Variants in WDR37 observed in about 807,000 individuals in gnomAD.
WDR37 encodes the protein WD repeat-containing protein 37.
Under a neutral mutation model 62.9 loss-of-function variants are expected in WDR37, and 19 were observed. The observed-to-expected ratio is 0.30, with a 90% CI of 0.21 to 0.44. WDR37 has a LOEUF of 0.44. Ranked by LOEUF, WDR37 falls within the 20% of genes least tolerant of loss-of-function variation. The probability of loss-of-function intolerance (pLI) is 1.00; values close to 1 mark genes in which losing one functional copy is unlikely to be tolerated. For synonymous variants in WDR37, 250 were observed against 260.9 expected (o/e 0.96, Z 0.40); for missense variants, 474 against 657.6 (o/e 0.72, Z 3.05).
chr10:1,113,669 G>A (rs555934944), intron 11 of WDR37, among the ~76,000 whole-genome samples: 3 of 152,342 alleles, frequency 2.0e-5, no homozygotes, highest in Admixed American at 2.0e-4. Context: ...CACTGCAGGT[G>A]TGGTGGAAAC....
intron 2 of WDR37, 151 bp downstream of exon 2, chr10:1,072,444 A>C: frequency 9.2e-7 from 1 of 1,081,566 alleles, no homozygotes; most frequent in East Asian, 2.5e-5. Context: ...CCTACTGAGT[A>C]GCTGGGATTA....
chr10:1,091,138 G>A (rs1489652345), intron 7 of WDR37, among the ~76,000 whole-genome samples: 11 of 152,190 alleles, frequency 7.2e-5, no homozygotes, highest in South Asian at 6.2e-4. Flanking sequence ...CACAGCTCCC[G>A]TCACCATGTG....
At chr10:1,091,163 C>G (rs2131639302) in intron 7 of WDR37, among the ~76,000 whole-genome samples, 2 of 152,320 alleles carry the variant, frequency 1.3e-5, no homozygotes, top group South Asian at 4.1e-4. Context: ...CCTGCCCTAC[C>G]CCTCCTTCTG....
At chr10:1,096,381 G>A in intron 9 of WDR37, 135 bp downstream of exon 9, 1 of 913,118 alleles carries the variant, frequency 1.1e-6, no homozygotes, top group Non-Finnish European at 1.7e-6. Context: ...CCCCCGGTAT[G>A]GTTGAATTTG....
chr10:1,057,772 A>G (rs558654150), intron 1 of WDR37, among the ~76,000 whole-genome samples: 6 of 152,322 alleles, frequency 3.9e-5, no homozygotes, highest in South Asian at 4.1e-4. Context: ...ACGCTAAAAC[A>G]TTCGTCCCTT....
intron 1 of WDR37, among the ~76,000 whole-genome samples, chr10:1,069,478 A>G (rs1445038815): frequency 6.6e-6 from 1 of 150,454 alleles, no homozygotes; most frequent in Non-Finnish European, 1.5e-5. Context: ...TAAAAAGGAA[A>G]AAACTGTTGA....
intron 11 of WDR37, among the ~76,000 whole-genome samples, chr10:1,120,179 TGAGA>T (rs1315984523): frequency 1.3e-5 from 2 of 152,160 alleles, no homozygotes; most frequent in African/African-American, 4.8e-5. Flanking sequence ...GCGTGGGTGA[TGAGA>T]AAGGCCGGGA....
At chr10:1,074,944 C>T (rs7072276) in intron 2 of WDR37, among the ~76,000 whole-genome samples, 39,774 of 152,212 alleles carry the variant, frequency 0.26, 6,044 homozygotes, top group African/African-American at 0.41. Context: ...GGCTGCTTCC[C>T]GCACGTGCGT....
chr10:1,104,979 C>T lies in WDR37; in HGVS notation c.962-147C>T, dbSNP rs1163521870. 5.1e-6 allele frequency: 5 copies of T among 984,248 alleles called. No individual in the cohort carries two copies. In the East Asian group the frequency reaches 1.1e-4, roughly 21 times the overall value. 61.0% of individuals were successfully genotyped at this position (984,248 alleles called of 1,614,324 possible). A position where few individuals can be genotyped will look rare whatever the true frequency, so the allele number is the denominator to read the frequency against. ...AGCTTCTGAGGGAAAACCTGCCCCA[C>T]TGTGACCCACATGCTGCTGAGTGAT... On this transcript the variant is annotated intron_variant, in intron 10 of 13. Transcript: ENST00000263150.
chr10:1,107,477 G>A (rs1835061371), intron 11 of WDR37, among the ~76,000 whole-genome samples: 2 of 152,260 alleles, frequency 1.3e-5, no homozygotes, highest in South Asian at 4.1e-4. Flanking sequence ...AACCAACAGA[G>A]TAGTACAGTG....
intron 11 of WDR37, 44 bp from the exon 12 acceptor site, chr10:1,124,173 TC>T: frequency 1.2e-6 from 2 of 1,612,558 alleles, no homozygotes; most frequent in South Asian, 2.2e-5. Context: ...TGGTGTCACG[TC>T]CTGCACCTGC....
At chr10:1,073,526 TTTAAC>T (rs1335828605) in intron 2 of WDR37, among the ~76,000 whole-genome samples, 1 of 152,230 alleles carries the variant, frequency 6.6e-6, no homozygotes, top group African/African-American at 2.4e-5. Context: ...GTGATTACAT[TTTAAC>T]TTAGTGTTCA....
chr10:1,129,020 T>C (rs953697807), intron 13 of WDR37, among the ~76,000 whole-genome samples, 193 bp from the exon 14 acceptor site: 6 of 151,002 alleles, frequency 4.0e-5, no homozygotes, highest in Admixed American at 4.0e-4. Flanking sequence ...CTGTGGCCCA[T>C]GCACGGTGGT....
intron 9 of WDR37, 66 bp downstream of exon 9, chr10:1,096,312 A>G (rs753812238): frequency 1.3e-6 from 2 of 1,534,486 alleles, no homozygotes; most frequent in Admixed American, 3.3e-5. Context: ...GAATCCATTT[A>G]TGATATCTGT....
chr10:1,122,460 T>C (rs1835616995), intron 11 of WDR37, among the ~76,000 whole-genome samples: 1 of 152,238 alleles, frequency 6.6e-6, no homozygotes, highest in South Asian at 2.1e-4. Context: ...CTGCCCACTC[T>C]GCCCTGAAGT....
chr10:1,098,567 C>T (rs1268352184), intron 9 of WDR37, among the ~76,000 whole-genome samples: 4 of 152,130 alleles, frequency 2.6e-5, no homozygotes, highest in Non-Finnish European at 5.9e-5. Context: ...CCTCGTGATC[C>T]GCCCTCCTCG....
At position 1,066,080 on chromosome 10, in the gene WDR37, AAG is replaced by A. The variant is rs200052950; in HGVS notation, c.-40-6030_-40-6029del. ...CATTTAAACTTACACAAAAAATAAAAAGAGAGATGTTAGTCTAAAATGGAGAA... is the reference window on the plus strand; with the variant it reads ...CATTTAAACTTACACAAAAAATAAAAAGAGATGTTAGTCTAAAATGGAGAA... On this transcript the variant is annotated intron_variant, in intron 1 of 13. Coordinates refer to ENST00000263150, the MANE Select transcript of WDR37 (RefSeq NM_014023.4). Among the ~76,000 whole-genome samples, 1,338 of 152,310 alleles carry A rather than the reference AAG, an allele frequency of 8.8e-3. 14 individuals are homozygous for A. Among genetic ancestry groups the A allele is most frequent in the African/African-American group, 0.022 (915 of 41,564 alleles).
At chr10:1,063,380 C>T (rs1228204955) in intron 1 of WDR37, among the ~76,000 whole-genome samples, 1 of 152,120 alleles carries the variant, frequency 6.6e-6, no homozygotes, top group Non-Finnish European at 1.5e-5. Flanking sequence ...AACCCTGCAG[C>T]ACCACCCTCA....
Position 1,070,506 on chromosome 10 carries a change from ACTTC to A in WDR37, c.-40-1606_-40-1603del, listed in dbSNP as rs1454910773. On this transcript the variant is annotated intron_variant, in intron 1 of 13. Transcript: ENST00000263150. ...AAGAGATATTTAGAAAAATGCTACG[ACTTC>A]CTTGAATTCTAAGGTTAAATATGTT... 4.6e-5 allele frequency among the ~76,000 whole-genome samples: 7 copies of A among 152,294 alleles called. No homozygotes were observed. In the East Asian group the frequency reaches 1.3e-3, roughly 29 times the overall value.
Sources: allele counts gnomAD v4.1 joint callset (sites outside exome capture counted in the v4.1 genomes callset), GRCh38; gene constraint gnomAD v4.1.1; transcripts MANE v1.5; gene names NCBI Gene and HGNC (gene_info 2026-07-23, HGNC 2026-07-21).